CUX2: variants seen among roughly 807,000 people sequenced by gnomAD.
CUX2 encodes homeobox protein cut-like 2.
In CUX2, 40 loss-of-function variants were observed where a neutral mutation model predicts 144.8. The ratio of observed to expected loss-of-function variants is 0.28; its 90% CI spans 0.21 to 0.36. The LOEUF (loss-of-function observed/expected upper bound fraction) is 0.36, where lower values mean the gene tolerates loss of function less well. Ranked by LOEUF, CUX2 falls within the 10% of genes least tolerant of loss-of-function variation. CUX2 has a pLI of 1.00. For missense variants in CUX2, 1,615 were observed against 1,994.0 expected (o/e 0.81, Z 3.62); for synonymous variants, 827 against 875.6 (o/e 0.94, Z 0.98).
chr12:111,099,817 A>T, intron 1 of CUX2: 1 of 418,780 alleles, frequency 2.4e-6, no homozygotes, highest in Non-Finnish European at 4.8e-6. Context: ...TGTCCCCTCC[A>T]TGCCCAGCGG....
intron 1 of CUX2, among the ~76,000 whole-genome samples, chr12:111,196,485 G>A (rs1880250719): frequency 6.6e-6 from 1 of 152,138 alleles, no homozygotes; most frequent in African/African-American, 2.4e-5. Flanking sequence ...GCTTAGTATT[G>A]TCTTTGTTGA....
At chr12:111,126,349 T>A (rs1875085083) in intron 1 of CUX2, among the ~76,000 whole-genome samples, 1 of 152,160 alleles carries the variant, frequency 6.6e-6, no homozygotes, top group Non-Finnish European at 1.5e-5. Context: ...CCTCAAGTGA[T>A]GATCCACCCA....
chr12:111,338,332 C>G lies in CUX2; in HGVS notation c.3243C>G (p.Ser1081=). Residue 1081 remains serine, a synonymous_variant, in exon 20 of 22, where the codon TCC becomes TCG. Coordinates refer to ENST00000261726, the MANE Select transcript of CUX2 (RefSeq NM_015267.4). ...GESILGLTQG[S]VSDLLSRPKP... ...GCATCCTGGGTCTGACACAGGGCTC[C>G]GTGTCTGACCTGCTGTCCCGGCCCA... 5 of 1,613,790 alleles carry G rather than the reference C, an allele frequency of 3.1e-6. No homozygotes were observed. Among genetic ancestry groups the G allele is most frequent in the Non-Finnish European group, 4.2e-6 (5 of 1,179,882 alleles).
intron 3 of CUX2, among the ~76,000 whole-genome samples, chr12:111,249,370 G>A (rs1401237995): frequency 7.3e-6 from 1 of 137,684 alleles, no homozygotes; most frequent in African/African-American, 2.7e-5. Flanking sequence ...GACATGATAA[G>A]CACTGAGAAA....
At chr12:111,164,777 G>A (rs1172779708) in intron 1 of CUX2, among the ~76,000 whole-genome samples, 1 of 152,062 alleles carries the variant, frequency 6.6e-6, no homozygotes, top group Non-Finnish European at 1.5e-5. Flanking sequence ...GTGAATGTTG[G>A]GGATTCACAT....
rs1189979882 is a variant in CUX2 at position 111,349,284 on chromosome 12, A to G, written c.*959A>G. The G allele has an allele frequency of 6.6e-6, 1 of 152,226 alleles. No individual in the cohort carries two copies. Among genetic ancestry groups the G allele is most frequent in the Admixed American group, 6.5e-5 (1 of 15,276 alleles). The allele number at this position is 152,226 out of a possible 1,614,324, so 9.4% of individuals were successfully genotyped here. ...AGCGACCCCATTTCCCGTGTGAACC[A>G]TAGGCACAACCCAGGAAGTTTCCCC... On this transcript the variant is annotated 3_prime_UTR_variant, in exon 22 of 22. Coordinates refer to ENST00000261726, the MANE Select transcript of CUX2 (RefSeq NM_015267.4).
chr12:111,321,473 GAA>G (rs139366100), intron 17 of CUX2, among the ~76,000 whole-genome samples: 3 of 136,370 alleles, frequency 2.2e-5, no homozygotes, highest in African/African-American at 5.4e-5. Context: ...CATCTCAAAA[GAA>G]AAAAAAAAAA....
intron 4 of CUX2, among the ~76,000 whole-genome samples, chr12:111,285,459 C>T (rs182513695): frequency 2.0e-5 from 3 of 152,266 alleles, no homozygotes; most frequent in East Asian, 1.9e-4. Flanking sequence ...GTCTAACGGC[C>T]GAGCCATGAA....
At position 111,154,915 on chromosome 12, in the gene CUX2, G is replaced by A. The variant is rs547689233; in HGVS notation, c.64-59285G>A. Among the ~76,000 whole-genome samples the A allele has an allele frequency of 4.6e-5, 7 of 152,280 alleles. No homozygotes were observed. In the South Asian group the frequency reaches 1.2e-3, roughly 27 times the overall value. On this transcript the variant is annotated intron_variant, in intron 1 of 21. Transcript: ENST00000261726. ...GACAGCCTTGCTTTGGGGCACTTGG[G>A]CAGTTGTGTAGCACAGCGGTTGTGA...
Position 111,338,421 on chromosome 12 carries a change from A to G in CUX2, c.3332A>G (p.Asn1111Ser), listed in dbSNP as rs201719553. The G allele has an allele frequency of 1.2e-4, 186 of 1,613,978 alleles. No homozygotes were observed. Among genetic ancestry groups the G allele is most frequent in the Non-Finnish European group, 1.5e-4 (179 of 1,180,004 alleles). ...TTTGTCCGCATGCAGCTGTGGCTCA[A>G]TGACCCCCATAACGTGGAGAAGCTG... is the stretch of plus-strand genomic sequence containing the variant. ...EPFVRMQLWL[N>S]DPHNVEKLRD... Residue 1111 changes from asparagine to serine, a missense_variant, in exon 20 of 22, where the codon AAT (asparagine) becomes AGT (serine). Coordinates refer to ENST00000261726, the MANE Select transcript of CUX2 (RefSeq NM_015267.4).
At chr12:111,058,759 G>A (rs1225139602) in intron 1 of CUX2, among the ~76,000 whole-genome samples, 2 of 152,118 alleles carry the variant, frequency 1.3e-5, no homozygotes, top group East Asian at 3.9e-4. Flanking sequence ...GGGAGAGACC[G>A]CAGTGCAAAG....
Position 111,296,470 on chromosome 12 carries a change from C to T in CUX2, c.638-3C>T. On this transcript the variant is annotated splice_region_variant and splice_polypyrimidine_tract_variant and intron_variant, in intron 7 of 21. Coordinates refer to ENST00000261726, the MANE Select transcript of CUX2 (RefSeq NM_015267.4). ...GCCTCACCCTGCCTCTGCTTTCTCC[C>T]AGCGCTAAAGGCTACGCAGGCAGAG... The T allele has an allele frequency of 3.1e-6, 5 of 1,604,900 alleles. No individual in the cohort carries two copies. The highest frequency in any genetic ancestry group is 3.4e-6 in the Non-Finnish European group (4 of 1,175,240).
intron 1 of CUX2, among the ~76,000 whole-genome samples, chr12:111,148,953 C>T (rs1044816571): frequency 1.3e-5 from 2 of 152,088 alleles, no homozygotes; most frequent in Admixed American, 1.3e-4. Flanking sequence ...GCTATGATTG[C>T]ACCACTCCAC....
rs541924353 is a variant in CUX2, at chr12:111,159,256, G to A, written c.64-54944G>A. On this transcript the variant is annotated intron_variant, in intron 1 of 21. Transcript: ENST00000261726. ...CAGCCACCTGGGCTCAAGTCATCCC[G>A]CCTACCTCAACCTTCAAAGGTAGCT... Among the ~76,000 whole-genome samples, 46 of 151,862 alleles carry A rather than the reference G, an allele frequency of 3.0e-4. 2 individuals carry two copies. Among genetic ancestry groups the A allele is most frequent in the Admixed American group, 2.6e-3 (40 of 15,262 alleles).
intron 1 of CUX2, among the ~76,000 whole-genome samples, chr12:111,212,680 C>T (rs1283142689): frequency 1.3e-5 from 2 of 152,224 alleles, no homozygotes; most frequent in African/African-American, 2.4e-5. Context: ...GGTGCCTCTA[C>T]CTTCTCCCTT....
At chr12:111,099,826 G>A (rs552338677) in intron 1 of CUX2, 4 of 417,310 alleles carry the variant, frequency 9.6e-6, no homozygotes, top group South Asian at 5.3e-5. Flanking sequence ...CATGCCCAGC[G>A]GGGCCGATGG....
chr12:111,136,955 T>TG (rs1402041516), intron 1 of CUX2, among the ~76,000 whole-genome samples: 1 of 151,716 alleles, frequency 6.6e-6, no homozygotes, highest in African/African-American at 2.4e-5. Flanking sequence ...TTTTTTTTTT[T>TG]GAGACAGGGT....
intron 1 of CUX2, among the ~76,000 whole-genome samples, chr12:111,152,075 A>G (rs927959076): frequency 6.6e-6 from 1 of 152,186 alleles, no homozygotes; most frequent in Non-Finnish European, 1.5e-5. Context: ...ACCTGAGGTC[A>G]GGAGTTCGAG....
chr12:111,118,614 C>T (rs1005227170), intron 1 of CUX2, among the ~76,000 whole-genome samples: 3 of 152,200 alleles, frequency 2.0e-5, no homozygotes, highest in Non-Finnish European at 4.4e-5. Context: ...CCACCTGGCC[C>T]TCCCAATGGA....
Sources: allele counts gnomAD v4.1 joint callset (sites outside exome capture counted in the v4.1 genomes callset), GRCh38; gene constraint gnomAD v4.1.1; transcripts MANE v1.5; gene names NCBI Gene and HGNC (gene_info 2026-07-23, HGNC 2026-07-21).